Variants in SCN2A observed in about 807,000 individuals in gnomAD.
The protein encoded by SCN2A is sodium channel protein type 2 subunit alpha.
SCN2A carries 20 observed loss-of-function variants against 188.7 expected under a neutral mutation model. That is an observed-to-expected ratio of 0.11 (90% CI 0.07 to 0.15). The LOEUF is 0.15. Among genes scored for constraint, SCN2A ranks in the 10% least tolerant of loss-of-function variants. The pLI is 1.00. For synonymous variants in SCN2A, 804 were observed against 833.1 expected, an observed-to-expected ratio of 0.97 and a Z score of 0.60; for missense variants, 1,278 against 2,445.0, an observed-to-expected ratio of 0.52 and a Z score of 10.07.
intron 16 of SCN2A, among the ~76,000 whole-genome samples, chr2:165,347,426 A>G (rs747457936): frequency 2.8e-4 from 43 of 151,430 alleles, no homozygotes; most frequent in Non-Finnish European, 5.6e-4. Flanking sequence ...GGAACATCAC[A>G]CACTGAGGCC....
intron 14 of SCN2A, among the ~76,000 whole-genome samples, chr2:165,339,172 G>C (rs1699174684): frequency 6.6e-6 from 1 of 151,310 alleles, no homozygotes. Context: ...AGTGAGCCGA[G>C]ATTAAGCCAC....
chr2:165,268,728 A>C (rs1323638331), intron 1 of SCN2A: 3 of 151,818 alleles, frequency 2.0e-5, no homozygotes, highest in Non-Finnish European at 4.4e-5. Context: ...CCTAAGTCTT[A>C]TCTGTAGATG....
chr2:165,321,161 CA>C (rs1443447854), intron 11 of SCN2A, among the ~76,000 whole-genome samples: 13 of 152,196 alleles, frequency 8.5e-5, no homozygotes, highest in African/African-American at 2.9e-4. Context: ...AGGACAGGGC[CA>C]AAATGCCACC....
At chr2:165,381,302 T>G in intron 25 of SCN2A, 105 bp downstream of exon 25, 1 of 791,518 alleles carries the variant, frequency 1.3e-6, no homozygotes, top group East Asian at 2.8e-5. Context: ...TAACACAAAG[T>G]TTTTTACCTT....
chr2:165,357,872 T>G (rs1005872232), intron 17 of SCN2A, among the ~76,000 whole-genome samples: 3 of 152,146 alleles, frequency 2.0e-5, no homozygotes, highest in African/African-American at 7.2e-5. Flanking sequence ...CCCAAGCAAG[T>G]TGTACATCTA....
intron 1 of SCN2A, among the ~76,000 whole-genome samples, chr2:165,250,532 T>A (rs1183418719): frequency 6.6e-6 from 1 of 150,404 alleles, no homozygotes; most frequent in Non-Finnish European, 1.5e-5. Context: ...GGCACACATA[T>A]ACACACAAAA....
chr2:165,280,028 G>A (rs577376284), intron 1 of SCN2A, among the ~76,000 whole-genome samples: 16 of 152,172 alleles, frequency 1.1e-4, no homozygotes, highest in African/African-American at 3.9e-4. Context: ...TGATTGTGAG[G>A]CCTCCCCAAC....
chr2:165,304,508 A>G lies in SCN2A; in HGVS notation c.387-3340A>G, dbSNP rs547874725. On this transcript the variant is annotated intron_variant, in intron 3 of 26. Transcript: ENST00000375437. ...ATTGCAAAATTAATTTCATTAGTCA[A>G]CTGACACTGTGAAATAGCAAGGCTA... 2.6e-5 allele frequency among the ~76,000 whole-genome samples: 4 copies of G among 152,366 alleles called. No individual in the cohort carries two copies. In the South Asian group the frequency reaches 6.2e-4, roughly 24 times the overall value.
chr2:165,293,047 G>A (rs1419051057), intron 1 of SCN2A, among the ~76,000 whole-genome samples: 1 of 152,140 alleles, frequency 6.6e-6, no homozygotes, highest in Non-Finnish European at 1.5e-5. Context: ...GTCTCACTGG[G>A]TTAATATTTT....
At chr2:165,374,487 A>G (rs1701209282) in intron 21 of SCN2A, among the ~76,000 whole-genome samples, 198 bp from the exon 22 acceptor site, 1 of 152,136 alleles carries the variant, frequency 6.6e-6, no homozygotes, top group Admixed American at 6.6e-5. Flanking sequence ...ACATTCTCCA[A>G]TATAAAATTC....
At chr2:165,312,160 C>A in intron 8 of SCN2A, 72 bp downstream of exon 8, 1 of 1,070,968 alleles carries the variant, frequency 9.3e-7, no homozygotes, top group Non-Finnish European at 1.4e-6. Flanking sequence ...ACCTCCCACT[C>A]ATCCAGTCCC....
At chr2:165,377,840 T>G (rs1401079515) in intron 23 of SCN2A, among the ~76,000 whole-genome samples, 190 bp downstream of exon 23, 1 of 151,916 alleles carries the variant, frequency 6.6e-6, no homozygotes, top group Non-Finnish European at 1.5e-5. Flanking sequence ...CTCTAATCAC[T>G]CTGTATCTTT....
intron 1 of SCN2A, among the ~76,000 whole-genome samples, chr2:165,281,663 T>C (rs1261906757): frequency 1.3e-5 from 2 of 152,074 alleles, no homozygotes; most frequent in African/African-American, 4.8e-5. Context: ...GAATAGTGAC[T>C]CGACTGTTTT....
At chr2:165,372,752 T>C (rs1015759419) in intron 20 of SCN2A, 6 of 155,052 alleles carry the variant, frequency 3.9e-5, no homozygotes, top group African/African-American at 1.4e-4. Context: ...TATTCCTTTT[T>C]AAATGTGTTC....
intron 1 of SCN2A, among the ~76,000 whole-genome samples, chr2:165,257,791 G>A (rs1435667647): frequency 6.6e-6 from 1 of 152,114 alleles, no homozygotes; most frequent in Non-Finnish European, 1.5e-5. Flanking sequence ...ACCCCCCTCG[G>A]CCTTCCAAAG....
At chr2:165,319,437 T>C (rs1320680604) in intron 11 of SCN2A, among the ~76,000 whole-genome samples, 1 of 152,192 alleles carries the variant, frequency 6.6e-6, no homozygotes, top group Non-Finnish European at 1.5e-5. Context: ...TAATAGAAAC[T>C]AACAGATATT....
intron 14 of SCN2A, among the ~76,000 whole-genome samples, chr2:165,336,590 G>T (rs1186023025): frequency 2.0e-5 from 3 of 151,956 alleles, no homozygotes; most frequent in Admixed American, 6.6e-5. Context: ...TAGGGTAAAT[G>T]GGAGCAACAA....
intron 1 of SCN2A, chr2:165,268,506 C>T (rs1694972908): frequency 1.3e-5 from 2 of 151,974 alleles, no homozygotes; most frequent in Non-Finnish European, 2.9e-5. Flanking sequence ...AAAAAATCCT[C>T]AACAAAATTG....
chr2:165,289,599 C>A (rs926420944), intron 1 of SCN2A, among the ~76,000 whole-genome samples: 1 of 151,936 alleles, frequency 6.6e-6, no homozygotes, highest in African/African-American at 2.4e-5. Flanking sequence ...CATAAAATAT[C>A]AGTATGATGT....
Sources: gnomAD v4.1 joint callset for allele counts (sites outside exome capture counted in the v4.1 genomes callset) on GRCh38, gnomAD v4.1.1 for gene constraint, MANE v1.5 for transcripts, NCBI Gene and HGNC (gene_info 2026-07-23, HGNC 2026-07-21) for gene names.